KDSR: variants seen among roughly 807,000 people sequenced by gnomAD.
KDSR encodes 3-dehydrosphinganine reductase.
Under a neutral mutation model 41.3 loss-of-function variants are expected in KDSR, and 23 were observed. The ratio of observed to expected loss-of-function variants is 0.56; its 90% CI spans 0.40 to 0.79. KDSR has a LOEUF of 0.79. Ranked by LOEUF, KDSR falls within the 30% of genes least tolerant of loss-of-function variation. KDSR has a pLI of 0.00. For missense variants in KDSR, 351 were observed against 416.8 expected (o/e 0.84, Z 1.37); for synonymous variants, 138 against 151.7 (o/e 0.91, Z 0.66).
intron 1 of KDSR, among the ~76,000 whole-genome samples, chr18:63,364,370 A>G (rs1386919504): frequency 1.3e-5 from 2 of 152,120 alleles, no homozygotes; most frequent in Non-Finnish European, 2.9e-5. Flanking sequence ...TCTCCACTAT[A>G]TTCCTAGCAC....
chr18:63,340,630 A>G (rs1389540631), intron 7 of KDSR, among the ~76,000 whole-genome samples: 1 of 152,216 alleles, frequency 6.6e-6, no homozygotes, highest in Non-Finnish European at 1.5e-5. Flanking sequence ...TGAAGCTTAT[A>G]TTCAGCTCAG....
At chr18:63,355,703 T>A in intron 3 of KDSR, 140 bp from the exon 4 acceptor site, 1 of 1,238,568 alleles carries the variant, frequency 8.1e-7, no homozygotes. Context: ...TTGCTGATGA[T>A]GCAATTAGCA....
intron 3 of KDSR, among the ~76,000 whole-genome samples, chr18:63,356,606 G>A (rs141206883): frequency 2.4e-4 from 37 of 152,256 alleles, no homozygotes; most frequent in African/African-American, 8.7e-4. Context: ...GCCTGCCCCA[G>A]CCCTATCTCC....
chr18:63,348,049 G>A (rs1286833166), intron 6 of KDSR, among the ~76,000 whole-genome samples: 3 of 152,086 alleles, frequency 2.0e-5, no homozygotes, highest in Non-Finnish European at 2.9e-5. Context: ...AACTTTGGGA[G>A]GCCAAGGCAG....
chr18:63,328,156 G>T lies in KDSR; in HGVS notation c.*3626C>A. ...ATACATGTTTAAATTAGAACCTGAT[G>T]TAATTAAATGTTTATGTAATTTAGC... On this transcript the variant is annotated 3_prime_UTR_variant, in exon 10 of 10. Coordinates refer to ENST00000645214, the MANE Select transcript of KDSR (RefSeq NM_002035.4). 1 of 184,202 alleles carries T rather than the reference G, an allele frequency of 5.4e-6. No homozygotes were observed. Among genetic ancestry groups the T allele is most frequent in the Non-Finnish European group, 1.2e-5 (1 of 86,780 alleles). 11.4% of individuals were successfully genotyped at this position (184,202 alleles called of 1,614,324 possible).
intron 4 of KDSR, 81 bp downstream of exon 4, chr18:63,355,417 A>C: frequency 6.2e-7 from 1 of 1,610,448 alleles, no homozygotes; most frequent in South Asian, 1.1e-5. Flanking sequence ...AGTTGTGTCC[A>C]TTCCAAGCCA....
chr18:63,363,104 T>C (rs1484999258), intron 1 of KDSR, among the ~76,000 whole-genome samples: 1 of 152,202 alleles, frequency 6.6e-6, no homozygotes, highest in African/African-American at 2.4e-5. Flanking sequence ...TGCACACCTA[T>C]AATATTTTTC....
intron 8 of KDSR, chr18:63,335,937 C>A (rs1021439220): frequency 1.3e-5 from 2 of 152,316 alleles, no homozygotes; most frequent in Admixed American, 1.3e-4. Flanking sequence ...GCACTGCATT[C>A]CAGGGCGGGA....
intron 5 of KDSR, among the ~76,000 whole-genome samples, chr18:63,354,681 A>G (rs1914750130): frequency 6.6e-6 from 1 of 152,228 alleles, no homozygotes; most frequent in Non-Finnish European, 1.5e-5. Flanking sequence ...AAAAGAAAAA[A>G]TAAAAATTTC....
chr18:63,344,720 T>C (rs1401015090), intron 6 of KDSR: 1 of 435,682 alleles, frequency 2.3e-6, no homozygotes, highest in Non-Finnish European at 4.1e-6. Context: ...CAGCTGGCCC[T>C]AAAGTATGGC....
chr18:63,344,589 G>A, intron 6 of KDSR, 96 bp from the exon 7 acceptor site: 2 of 802,466 alleles, frequency 2.5e-6, no homozygotes, highest in Non-Finnish European at 4.3e-6. Context: ...CCCAAAAAGC[G>A]GTGAGAACAA....
chr18:63,365,033 A>G (rs765256219), intron 1 of KDSR, among the ~76,000 whole-genome samples: 1 of 152,200 alleles, frequency 6.6e-6, no homozygotes, highest in East Asian at 1.9e-4. Flanking sequence ...ACCTACCTCT[A>G]TGGGACTCAT....
intron 5 of KDSR, among the ~76,000 whole-genome samples, chr18:63,354,308 C>T (rs568199199): frequency 6.6e-6 from 1 of 152,168 alleles, no homozygotes; most frequent in Non-Finnish European, 1.5e-5. Flanking sequence ...GAGCAAGACT[C>T]TGTCTCAAAA....
In KDSR at chr18:63,367,189, C is replaced by A. The variant is rs1001612080; in HGVS notation, c.-71G>T. 6.6e-6 allele frequency: 5 copies of A among 758,642 alleles called. No individual in the cohort carries two copies. The highest frequency in any genetic ancestry group is 9.0e-6 in the Non-Finnish European group (5 of 555,576). 47.0% of individuals were successfully genotyped at this position (758,642 alleles called of 1,614,324 possible). On this transcript the variant is annotated 5_prime_UTR_variant, in exon 1 of 10. Coordinates refer to ENST00000645214, the MANE Select transcript of KDSR (RefSeq NM_002035.4). ...GGGCAAGGCGCGCAGGGCTGGGCTG[C>A]GGCGAGGCGAGAATCACGCGCGGCG...
At chr18:63,333,075 C>T (rs1047025286) in intron 9 of KDSR, among the ~76,000 whole-genome samples, 1 of 151,750 alleles carries the variant, frequency 6.6e-6, no homozygotes, top group African/African-American at 2.4e-5. Flanking sequence ...TTATGGCATG[C>T]GATGGAAATT....
chr18:63,342,538 GAAT>G (rs1914372416), intron 7 of KDSR, among the ~76,000 whole-genome samples: 1 of 152,204 alleles, frequency 6.6e-6, no homozygotes, highest in Non-Finnish European at 1.5e-5. Context: ...ATCTGGGACT[GAAT>G]TAGTTATAGA....
rs1183288881 is a variant in KDSR at position 63,330,806 on chromosome 18, T to C, written c.*976A>G. On this transcript the variant is annotated 3_prime_UTR_variant, in exon 10 of 10. Coordinates refer to ENST00000645214, the MANE Select transcript of KDSR (RefSeq NM_002035.4). ...TCGAAAATTTTAGCTGGTCTTTTTTTTCCTTTTTTTTTTTTTTTACAAAAA... is the reference window on the plus strand; with the variant it reads ...TCGAAAATTTTAGCTGGTCTTTTTTCTCCTTTTTTTTTTTTTTTACAAAAA... The C allele has an allele frequency of 2.2e-5, 5 of 229,680 alleles. No individual in the cohort carries two copies. The highest frequency in any genetic ancestry group is 8.9e-5 in the African/African-American group (4 of 45,050). 14.2% of individuals were successfully genotyped at this position (229,680 alleles called of 1,614,324 possible).
Position 63,350,851 on chromosome 18 carries a change from G to T in KDSR, c.609+37C>A, listed in dbSNP as rs531189319. On this transcript the variant is annotated intron_variant, in intron 6 of 9. Transcript: ENST00000645214. ...TAAAGCGGAATGTATATTGCTGAGC[G>T]GAGAGGAATAAATACAAAAATGAAT... The T allele has an allele frequency of 6.9e-6, 10 of 1,443,210 alleles. No homozygotes were observed. In the Admixed American group the frequency reaches 1.4e-4, roughly 21 times the overall value. The allele number at this position is 1,443,210 out of a possible 1,614,324, so 89.4% of individuals were successfully genotyped here. A position where few individuals can be genotyped will look rare whatever the true frequency, so the allele number is the denominator to read the frequency against.
chr18:63,361,753 T>C (rs1239602966), intron 2 of KDSR, among the ~76,000 whole-genome samples: 1 of 152,098 alleles, frequency 6.6e-6, no homozygotes, highest in Non-Finnish European at 1.5e-5. Context: ...AGGCAGAGGT[T>C]GCAGTGAGCC....
Sources: gnomAD v4.1 joint callset for allele counts (sites outside exome capture counted in the v4.1 genomes callset) on GRCh38, gnomAD v4.1.1 for gene constraint, MANE v1.5 for transcripts, NCBI Gene and HGNC (gene_info 2026-07-23, HGNC 2026-07-21) for gene names.